Variants in MTR observed in about 807,000 individuals in gnomAD.
MTR encodes 5-methyltetrahydrofolate-homocysteine methyltransferase, also known as methionine synthase.
Under a neutral mutation model 154.8 loss-of-function variants are expected in MTR, and 84 were observed. The observed-to-expected ratio is 0.54, with a 90% CI of 0.45 to 0.65. The LOEUF (loss-of-function observed/expected upper bound fraction) is 0.65. Ranked by LOEUF, MTR falls within the 30% of genes least tolerant of loss-of-function variation. The pLI, the probability that MTR is intolerant of heterozygous loss-of-function variation, is 0.00. For synonymous variants in MTR, 554 were observed against 553.9 expected, an observed-to-expected ratio of 1.00 and a Z score of 0.00; for missense variants, 1,275 against 1,570.2, an observed-to-expected ratio of 0.81 and a Z score of 3.18.
Position 236,861,097 on chromosome 1 carries a change from C to CTTTTTTTTTTTTT in MTR, c.2044-24_2044-12dup, listed in dbSNP as rs397974349. On this transcript the variant is annotated intron_variant, in intron 19 of 32. Transcript: ENST00000366577. ...ATTTTTTTTTTCTTTCTTTCTTTTTCTTTTTTTTTTTTTTTTGTCTTTTTT... is the reference window on the plus strand; with the variant it reads ...ATTTTTTTTTTCTTTCTTTCTTTTTCTTTTTTTTTTTTTTTTTTTTTTTTTTTTTGTCTTTTTT... The CTTTTTTTTTTTTT allele has an allele frequency of 3.0e-4, 349 of 1,159,464 alleles. 7 individuals are homozygous for CTTTTTTTTTTTTT. Among genetic ancestry groups the CTTTTTTTTTTTTT allele is most frequent in the South Asian group, 1.5e-3 (89 of 60,556 alleles). 71.8% of individuals were successfully genotyped at this position (1,159,464 alleles called of 1,614,324 possible). A position where few individuals can be genotyped will look rare whatever the true frequency, so the allele number is the denominator to read the frequency against.
intron 19 of MTR, among the ~76,000 whole-genome samples, chr1:236,860,776 A>AT (rs1211882462): frequency 1.3e-5 from 2 of 152,214 alleles, no homozygotes; most frequent in East Asian, 3.8e-4. Flanking sequence ...ATTTTAAAGC[A>AT]TTTTTTAATT....
intron 8 of MTR, among the ~76,000 whole-genome samples, chr1:236,821,657 T>A (rs1661958508): frequency 6.6e-6 from 1 of 152,230 alleles, no homozygotes; most frequent in South Asian, 2.1e-4. Context: ...ATCATCTAAA[T>A]TTTTTCTGTG....
intron 18 of MTR, among the ~76,000 whole-genome samples, chr1:236,858,489 G>A (rs1215307293): frequency 6.6e-6 from 1 of 152,184 alleles, no homozygotes; most frequent in Admixed American, 6.5e-5. Context: ...TGGATGGCAT[G>A]GTAAGGAATC....
At position 236,899,496 on chromosome 1, in the gene MTR, C is replaced by T. The variant is rs1410788704; in HGVS notation, c.*1852C>T. 6.6e-6 allele frequency: 1 copy of T among 152,206 alleles called. No individual in the cohort carries two copies. The highest frequency in any genetic ancestry group is 2.4e-5 in the African/African-American group (1 of 41,442). The allele number at this position is 152,206 out of a possible 1,614,324, so 9.4% of individuals were successfully genotyped here. On this transcript the variant is annotated 3_prime_UTR_variant, in exon 33 of 33. Coordinates refer to ENST00000366577, the MANE Select transcript of MTR (RefSeq NM_000254.3). The stretch of plus-strand genomic sequence containing the variant: ...GAAAAAAAGAAATTTTACTTTCTCT[C>T]ACCTTACCTGGTGATAAGTTCCAAA...
chr1:236,892,813 C>A (rs763741758), intron 29 of MTR, among the ~76,000 whole-genome samples: 9 of 152,214 alleles, frequency 5.9e-5, no homozygotes, highest in Non-Finnish European at 1.2e-4. Context: ...CCCAGTCTTT[C>A]ATCTTTCAAG....
chr1:236,826,798 T>G (rs1330831424), intron 10 of MTR, 31 bp from the exon 11 acceptor site: 1 of 1,597,918 alleles, frequency 6.3e-7, no homozygotes, highest in Non-Finnish European at 8.6e-7. Context: ...TCAAGTGAAC[T>G]TGCTGAAACT....
intron 8 of MTR, chr1:236,820,285 A>G (rs1661853256): frequency 1.1e-5 from 8 of 753,664 alleles, no homozygotes. Context: ...GCAGGCTGCT[A>G]CTGAAAAGAC....
chr1:236,841,412 C>A (rs1173601409), intron 15 of MTR, among the ~76,000 whole-genome samples: 1 of 152,066 alleles, frequency 6.6e-6, no homozygotes, highest in African/African-American at 2.4e-5. Context: ...CTATGTATTT[C>A]GCCTTCAGAT....
intron 27 of MTR, among the ~76,000 whole-genome samples, chr1:236,887,674 A>G (rs1666091788): frequency 2.0e-5 from 3 of 152,252 alleles, no homozygotes; most frequent in Non-Finnish European, 1.5e-5. Flanking sequence ...GGCATGGGCT[A>G]CTGCAGGGTC....
rs1397729520 is a variant in MTR, at chr1:236,853,013, A to G, written c.1878A>G (p.Glu626=). 42 of 1,613,908 alleles carry G rather than the reference A, an allele frequency of 2.6e-5. No homozygotes were observed. In the East Asian group the frequency reaches 8.7e-4, roughly 33 times the overall value. Residue 626 remains glutamate, a synonymous_variant, in exon 18 of 33, where the codon GAA becomes GAG. Coordinates refer to ENST00000366577, the MANE Select transcript of MTR (RefSeq NM_000254.3). ...NLPVYDDIHK[E]LLQLCEDLIW... is the part of the protein sequence containing the mutation. ...CTGTGTATGATGATATCCATAAGGA[A>G]CTTCTGCAGCTCTGTGAAGATCTCA... is the stretch of plus-strand genomic sequence containing the variant.
intron 21 of MTR, among the ~76,000 whole-genome samples, chr1:236,863,117 C>CTGCCTCTCCCT (rs1167286324): frequency 6.6e-6 from 1 of 152,200 alleles, no homozygotes; most frequent in African/African-American, 2.4e-5. Flanking sequence ...CCCCTCTCCC[C>CTGCCTCTCCCT]TGCCTCTCCC....
At chr1:236,874,951 T>A in intron 24 of MTR, 105 bp downstream of exon 24, 1 of 1,276,540 alleles carries the variant, frequency 7.8e-7, no homozygotes, top group Non-Finnish European at 1.1e-6. Context: ...TTATGTTTAG[T>A]ACATTGACTT....
intron 16 of MTR, among the ~76,000 whole-genome samples, chr1:236,851,335 G>A (rs12129440): frequency 0.18 from 26,661 of 152,106 alleles, 3,120 homozygotes; most frequent in Middle Eastern, 0.27. Context: ...GCGTTTTGTT[G>A]GTGAGGTCAC....
At chr1:236,847,575 C>T (rs1479819968) in intron 15 of MTR, among the ~76,000 whole-genome samples, 1 of 152,194 alleles carries the variant, frequency 6.6e-6, no homozygotes, top group Non-Finnish European at 1.5e-5. Context: ...TTCCTTCCTT[C>T]TTGCTGCTTA....
chr1:236,832,019 C>T lies in MTR; in HGVS notation c.1129C>T (p.Arg377Cys), dbSNP rs138876566. 9.3e-6 allele frequency: 15 copies of T among 1,614,042 alleles called. No homozygotes were observed. The highest frequency in any genetic ancestry group is 4.0e-5 in the African/African-American group (3 of 74,996). The change falls in exon 13 of 33, where the codon CGC (arginine) becomes TGC (cysteine). Residue 377 changes from arginine (R) to cysteine (C), a missense_variant. Arg to Cys is a radical substitution (Grantham distance 180). Coordinates refer to ENST00000366577, the MANE Select transcript of MTR (RefSeq NM_000254.3). ...CACCAACTTTGTTAACATTGGAGAG[C>T]GCTGTAATGTTGCAGGATCAAGGAA... ...PYTNFVNIGE[R>C]CNVAGSRKFA...
intron 19 of MTR, among the ~76,000 whole-genome samples, chr1:236,860,405 G>GTTTTTTT (rs200802890): frequency 1.6e-5 from 2 of 126,664 alleles, no homozygotes; most frequent in Non-Finnish European, 1.6e-5. Context: ...GTTTTGTTTT[G>GTTTTTTT]TTTTGTTTTT....
Position 236,895,696 on chromosome 1 carries a change from C to CTATT in MTR, c.3598+147_3598+150dup, listed in dbSNP as rs75739277. 0.65 allele frequency: 471,013 copies of CTATT among 724,574 alleles called. 159,725 individuals carry two copies. The highest frequency in any genetic ancestry group is 0.91 in the African/African-American group (50,928 of 55,916). The allele number at this position is 724,574 out of a possible 1,614,324, so 44.9% of individuals were successfully genotyped here. A position where few individuals can be genotyped will look rare whatever the true frequency, so the allele number is the denominator to read the frequency against. On this transcript the variant is annotated intron_variant, in intron 31 of 32. Transcript: ENST00000366577. ...TTATGCTGTCCTTTTTCACTCGTAG[C>CTATT]TATTCTGCATTTTACTTCAGTATTA...
chr1:236,872,934 G>A (rs1665222062), intron 22 of MTR, among the ~76,000 whole-genome samples: 2 of 152,268 alleles, frequency 1.3e-5, no homozygotes, highest in South Asian at 2.1e-4. Context: ...GCAGTGAGCC[G>A]TAATCACGCC....
At chr1:236,848,784 A>G (rs1479851452) in intron 15 of MTR, among the ~76,000 whole-genome samples, 2 of 152,184 alleles carry the variant, frequency 1.3e-5, no homozygotes, top group East Asian at 3.9e-4. Context: ...GAGAGCGATT[A>G]AAGAGACCAA....
Sources: allele counts gnomAD v4.1 joint callset (sites outside exome capture counted in the v4.1 genomes callset), GRCh38; gene constraint gnomAD v4.1.1; transcripts MANE v1.5; gene names NCBI Gene and HGNC (gene_info 2026-07-23, HGNC 2026-07-21).